The following ANAPC10 variants were observed in gnomAD, a reference collection of about 807,000 sequenced individuals.
ANAPC10 encodes anaphase-promoting complex subunit 10.
A neutral mutation model predicts 22.0 loss-of-function variants in ANAPC10; 12 were observed. The observed-to-expected ratio is 0.55, with a 90% CI of 0.35 to 0.88. The LOEUF (loss-of-function observed/expected upper bound fraction) is 0.88, where lower values mean the gene tolerates loss of function less well. Ranked by LOEUF, ANAPC10 falls within the 40% of genes least tolerant of loss-of-function variation. The probability of loss-of-function intolerance (pLI) is 0.01; values close to 1 mark genes in which losing one functional copy is unlikely to be tolerated. For missense variants in ANAPC10, 188 were observed against 220.9 expected, an observed-to-expected ratio of 0.85 and a Z score of 0.94; for synonymous variants, 65 against 69.5, an observed-to-expected ratio of 0.94 and a Z score of 0.32.
intron 4 of ANAPC10, among the ~76,000 whole-genome samples, chr4:145,034,390 C>T (rs1738121476): frequency 1.3e-5 from 2 of 151,894 alleles, no homozygotes; most frequent in Non-Finnish European, 2.9e-5. Context: ...AGCTGGATGC[C>T]TCCTGCCCTT....
intron 4 of ANAPC10, among the ~76,000 whole-genome samples, chr4:145,041,051 C>A (rs1285955323): frequency 6.6e-6 from 1 of 152,132 alleles, no homozygotes; most frequent in Non-Finnish European, 1.5e-5. Context: ...AGCTCCCCAA[C>A]CCAATGACCC....
At chr4:145,032,038 C>T (rs1737665033) in intron 4 of ANAPC10, among the ~76,000 whole-genome samples, 1 of 152,160 alleles carries the variant, frequency 6.6e-6, no homozygotes, top group Non-Finnish European at 1.5e-5. Flanking sequence ...GGCTCGAATG[C>T]CCATGTTCTC....
At chr4:145,002,585 C>T (rs889529455) in intron 4 of ANAPC10, among the ~76,000 whole-genome samples, 1 of 152,004 alleles carries the variant, frequency 6.6e-6, no homozygotes. Flanking sequence ...AACAAAAGAA[C>T]AACTAGATAG....
At chr4:145,044,394 A>C (rs965244130) in intron 4 of ANAPC10, among the ~76,000 whole-genome samples, 1 of 152,086 alleles carries the variant, frequency 6.6e-6, no homozygotes, top group Admixed American at 6.6e-5. Context: ...CATTTCAAAA[A>C]ATGTGTGTTT....
chr4:145,068,249 T>C lies in ANAPC10; in HGVS notation c.207-3557A>G, dbSNP rs569463785. On this transcript the variant is annotated intron_variant, in intron 3 of 4. Transcript: ENST00000507656. ...TTCTAATTAATACAGCATTACTGTG[T>C]CTGTATTACAGATGCAGAAACTGAG... Among the ~76,000 whole-genome samples, 6 of 152,276 alleles carry C rather than the reference T, an allele frequency of 3.9e-5. No homozygotes were observed. In the South Asian group the frequency reaches 1.2e-3, roughly 32 times the overall value.
chr4:145,075,809 G>T (rs1345496549), intron 3 of ANAPC10, among the ~76,000 whole-genome samples: 2 of 152,180 alleles, frequency 1.3e-5, no homozygotes, highest in African/African-American at 4.8e-5. Flanking sequence ...AGCCTGTGTG[G>T]AGCCCAGAGG....
intron 4 of ANAPC10, among the ~76,000 whole-genome samples, chr4:145,056,068 T>C (rs752387023): frequency 3.9e-5 from 6 of 152,126 alleles, no homozygotes; most frequent in Admixed American, 2.0e-4. Context: ...CCAGAGCAAC[T>C]CCATCTTGAA....
chr4:145,071,931 T>C (rs551478974), intron 3 of ANAPC10, among the ~76,000 whole-genome samples: 4 of 152,164 alleles, frequency 2.6e-5, no homozygotes, highest in African/African-American at 7.2e-5. Context: ...TTACAGACTT[T>C]CCTTCTTTTC....
chr4:144,999,689 C>A (rs933240356), intron 4 of ANAPC10, among the ~76,000 whole-genome samples: 2 of 152,076 alleles, frequency 1.3e-5, no homozygotes, highest in South Asian at 4.1e-4. Context: ...CTTCATAGAA[C>A]TGGAAAAAAC....
At chr4:144,998,211 C>G (rs1266562790) in intron 4 of ANAPC10, among the ~76,000 whole-genome samples, 1 of 152,174 alleles carries the variant, frequency 6.6e-6, no homozygotes, top group Non-Finnish European at 1.5e-5. Context: ...GAATTGAACT[C>G]AGCTCTGCAC....
intron 2 of ANAPC10, among the ~76,000 whole-genome samples, chr4:145,094,402 A>C (rs1748174036): frequency 6.6e-6 from 1 of 152,196 alleles, no homozygotes; most frequent in African/African-American, 2.4e-5. Flanking sequence ...TTCGATTATA[A>C]TGCTGCTTAT....
At position 145,064,559 on chromosome 4, in the gene ANAPC10, T is replaced by C. The variant is rs759790944; in HGVS notation, c.327+13A>G. 9.4e-6 allele frequency: 15 copies of C among 1,595,508 alleles called. No homozygotes were observed. The highest frequency in any genetic ancestry group is 1.7e-5 in the Admixed American group (1 of 58,324). On this transcript the variant is annotated intron_variant, in intron 4 of 4. Transcript: ENST00000507656. The stretch of plus-strand genomic sequence containing the variant: ...TAAAGGATGACATATTTTTAAAAAT[T>C]TGAAAGACATACCCGAATTTCTTGA...
At chr4:145,024,073 T>C (rs1736322220) in intron 4 of ANAPC10, among the ~76,000 whole-genome samples, 2 of 152,190 alleles carry the variant, frequency 1.3e-5, no homozygotes, top group Non-Finnish European at 2.9e-5. Flanking sequence ...AGAAACTACT[T>C]TCTTTGCTCA....
intron 3 of ANAPC10, among the ~76,000 whole-genome samples, chr4:145,067,925 T>G (rs1289294303): frequency 3.9e-5 from 6 of 152,192 alleles, no homozygotes; most frequent in Non-Finnish European, 8.8e-5. Flanking sequence ...AAAGTTTCTT[T>G]AAAAGAAAAA....
chr4:145,075,736 A>AC (rs1338882485), intron 3 of ANAPC10, among the ~76,000 whole-genome samples: 3 of 151,774 alleles, frequency 2.0e-5, no homozygotes, highest in Admixed American at 6.6e-5. Context: ...AGGCCCCACA[A>AC]CCCCCCCAGG....
intron 4 of ANAPC10, among the ~76,000 whole-genome samples, chr4:145,009,622 T>G (rs981835238): frequency 3.2e-4 from 49 of 152,232 alleles, no homozygotes; most frequent in East Asian, 1.2e-3. Flanking sequence ...TAGCCATATG[T>G]AGAAAGCTGA....
intron 4 of ANAPC10, among the ~76,000 whole-genome samples, chr4:144,997,170 T>C (rs1488741757): frequency 6.6e-6 from 1 of 152,190 alleles, no homozygotes; most frequent in African/African-American, 2.4e-5. Flanking sequence ...CTCTTCAGGA[T>C]ATTGCCCAGA....
intron 4 of ANAPC10, 134 bp from the exon 5 acceptor site, chr4:144,995,737 C>CTGGTAGTGATTAT: frequency 1.5e-6 from 1 of 660,956 alleles, no homozygotes; most frequent in Non-Finnish European, 2.5e-6. Context: ...ATAATAATCA[C>CTGGTAGTGATTAT]TACCAGTTAT....
At chr4:145,086,626 A>G (rs1746938872) in intron 2 of ANAPC10, among the ~76,000 whole-genome samples, 1 of 152,160 alleles carries the variant, frequency 6.6e-6, no homozygotes, top group South Asian at 2.1e-4. Context: ...AGGTTTCTCA[A>G]TCATGGCAGT....
Sources: gnomAD v4.1 joint callset for allele counts (sites outside exome capture counted in the v4.1 genomes callset) on GRCh38, gnomAD v4.1.1 for gene constraint, MANE v1.5 for transcripts, NCBI Gene and HGNC (gene_info 2026-07-23, HGNC 2026-07-21) for gene names.